The following SDK1 variants were observed in gnomAD, a reference collection of about 807,000 sequenced individuals.
The protein encoded by SDK1 is sidekick cell adhesion molecule 1.
A neutral mutation model predicts 245.5 loss-of-function variants in SDK1; 157 were observed. That is an observed-to-expected ratio of 0.64 (90% confidence interval 0.56 to 0.73). The LOEUF (loss-of-function observed/expected upper bound fraction) is 0.73. SDK1 is among the 30% of genes least tolerant of loss of function. The pLI, the probability that SDK1 is intolerant of heterozygous loss-of-function variation, is 0.00. For missense variants in SDK1, 3,583 were observed against 3,002.3 expected, an observed-to-expected ratio of 1.19 and a Z score of -4.52; for synonymous variants, 1,647 against 1,278.5, an observed-to-expected ratio of 1.29 and a Z score of -6.15.
At chr7:3,486,035 T>C (rs1461531419) in intron 1 of SDK1, among the ~76,000 whole-genome samples, 22 of 152,060 alleles carry the variant, frequency 1.4e-4, no homozygotes, top group Admixed American at 1.4e-3. Context: ...TATCTATTTT[T>C]TGAAGATCTG....
chr7:3,952,368 C>T (rs1417661976), intron 7 of SDK1, among the ~76,000 whole-genome samples: 1 of 152,160 alleles, frequency 6.6e-6, no homozygotes, highest in Non-Finnish European at 1.5e-5. Context: ...CACTTGAGGC[C>T]AGGAGTTCGA....
chr7:3,471,063 C>A (rs2128598441), intron 1 of SDK1, among the ~76,000 whole-genome samples: 1 of 152,254 alleles, frequency 6.6e-6, no homozygotes, highest in East Asian at 1.9e-4. Context: ...ATTATTTTAT[C>A]TGTTTGAGGA....
At chr7:3,317,204 AAAAAG>A in intron 1 of SDK1, among the ~76,000 whole-genome samples, 1 of 151,364 alleles carries the variant, frequency 6.6e-6, no homozygotes, top group African/African-American at 2.4e-5. Context: ...AAAAAAAAAA[AAAAAG>A]GCTATCATGG....
chr7:4,004,365 TAATA>T lies in SDK1; in HGVS notation c.2132-6597_2132-6594del, dbSNP rs897387450. On this transcript the variant is annotated intron_variant, in intron 14 of 44. Coordinates refer to ENST00000404826, the MANE Select transcript of SDK1 (RefSeq NM_152744.4). ...AGTAGTAGAATTCAAATTAGAAAAA[TAATA>T]AATTTGCACCTAATTTTTCCACTTA... Among the ~76,000 whole-genome samples, 10 of 152,262 alleles carry T rather than the reference TAATA, an allele frequency of 6.6e-5. No individual in the cohort carries two copies. The Middle Eastern group carries it at 0.01, about 155-fold the overall frequency.
intron 1 of SDK1, among the ~76,000 whole-genome samples, chr7:3,453,138 C>A (rs756130739): frequency 6.6e-6 from 1 of 152,096 alleles, no homozygotes; most frequent in Admixed American, 6.5e-5. Context: ...TAACCCCCCC[C>A]GGTTTTCCAA....
At chr7:3,597,282 A>G (rs950200950) in intron 1 of SDK1, among the ~76,000 whole-genome samples, 9 of 151,788 alleles carry the variant, frequency 5.9e-5, no homozygotes, top group Non-Finnish European at 7.4e-5. Context: ...AAAAAAAAAA[A>G]AAAAAAAAAA....
At chr7:3,439,281 A>T (rs182367975) in intron 1 of SDK1, among the ~76,000 whole-genome samples, 9 of 152,296 alleles carry the variant, frequency 5.9e-5, no homozygotes, top group East Asian at 3.9e-4. Context: ...TGAACATTTC[A>T]TCTAAAACGT....
At chr7:3,795,227 T>A (rs977708207) in intron 4 of SDK1, among the ~76,000 whole-genome samples, 1 of 152,134 alleles carries the variant, frequency 6.6e-6, no homozygotes, top group Non-Finnish European at 1.5e-5. Flanking sequence ...TTTTACATGA[T>A]ACTTAGATGG....
intron 13 of SDK1, 147 bp downstream of exon 13, chr7:3,974,692 A>G (rs1449469818): frequency 1.9e-5 from 12 of 636,052 alleles, no homozygotes; most frequent in Middle Eastern, 2.9e-4. Context: ...GCATAACTAC[A>G]TATATGGACA....
rs143448170 is a variant in SDK1, at chr7:3,792,001, G to A, written c.714-29449G>A. Among the ~76,000 whole-genome samples the A allele has an allele frequency of 1.4e-4, 21 of 152,150 alleles. No individual in the cohort carries two copies. The East Asian group carries it at 3.7e-3, about 27-fold the overall frequency. On this transcript the variant is annotated intron_variant, in intron 4 of 44. Transcript: ENST00000404826. The stretch of plus-strand genomic sequence containing the variant: ...AAATTAGCCAGATGTAGTGGTTCAT[G>A]CCTGTAGTCCCAGCTACTCAAGAGG...
At chr7:3,364,243 A>G (rs1396717754) in intron 1 of SDK1, among the ~76,000 whole-genome samples, 2 of 152,172 alleles carry the variant, frequency 1.3e-5, no homozygotes, top group Non-Finnish European at 2.9e-5. Flanking sequence ...CTCTATTTCC[A>G]TTCTTTTAAC....
At chr7:4,236,603 T>C (rs1478568852) in intron 41 of SDK1, among the ~76,000 whole-genome samples, 1 of 151,870 alleles carries the variant, frequency 6.6e-6, no homozygotes, top group African/African-American at 2.4e-5. Context: ...AGACGGCAGG[T>C]CCTGGGGTGC....
At chr7:3,450,075 G>A (rs1470847595) in intron 1 of SDK1, among the ~76,000 whole-genome samples, 4 of 152,202 alleles carry the variant, frequency 2.6e-5, no homozygotes, top group African/African-American at 7.2e-5. Context: ...TGGAGGGAGA[G>A]GAGCTTTCAA....
rs971914659 is a variant in SDK1 at position 3,782,408 on chromosome 7, C to T, written c.714-39042C>T. Among the ~76,000 whole-genome samples the T allele has an allele frequency of 4.6e-5, 7 of 152,296 alleles. No individual in the cohort carries two copies. The South Asian group carries it at 6.2e-4, about 14-fold the overall frequency. ...GCCTCACCTCCAAGAACGTGGATCA[C>T]AGTTTACCGTGAGATTGAGAGGATA... On this transcript the variant is annotated intron_variant, in intron 4 of 44. Transcript: ENST00000404826.
rs541400925 is a variant in SDK1 at position 3,602,448 on chromosome 7, A to T, written c.299-16632A>T. On this transcript the variant is annotated intron_variant, in intron 1 of 44. Coordinates refer to ENST00000404826, the MANE Select transcript of SDK1 (RefSeq NM_152744.4). ...GGCCAGTGATGAGGAGCATTTTTTC[A>T]TGTCTTTTGGCTGCATAAATGTCTT... Among the ~76,000 whole-genome samples, 3 of 151,680 alleles carry T rather than the reference A, an allele frequency of 2.0e-5. No individual in the cohort carries two copies. In the East Asian group the frequency reaches 5.8e-4, roughly 29 times the overall value.
At chr7:3,652,141 G>T (rs1783030938) in intron 4 of SDK1, among the ~76,000 whole-genome samples, 1 of 152,230 alleles carries the variant, frequency 6.6e-6, no homozygotes, top group South Asian at 2.1e-4. Flanking sequence ...AGTGGAGACA[G>T]CAAGTTGAGA....
rs144964632 is a variant in SDK1 at position 3,482,938 on chromosome 7, C to T, written c.299-136142C>T. 3.8e-4 allele frequency among the ~76,000 whole-genome samples: 57 copies of T among 151,548 alleles called. 2 individuals are homozygous for T. Among genetic ancestry groups the T allele is most frequent in the African/African-American group, 1.4e-3 (57 of 40,818 alleles). On this transcript the variant is annotated intron_variant, in intron 1 of 44. Coordinates refer to ENST00000404826, the MANE Select transcript of SDK1 (RefSeq NM_152744.4). ...ACGTTAGCTATGATGATGCTGGTGA[C>T]AACAATGATGATTTCAAGTCTTTTT... is the stretch of plus-strand genomic sequence containing the variant.
intron 17 of SDK1, among the ~76,000 whole-genome samples, chr7:4,025,856 T>C (rs1024931479): frequency 7.9e-5 from 12 of 152,180 alleles, no homozygotes; most frequent in Admixed American, 4.6e-4. Flanking sequence ...CTGTCACATG[T>C]GAGTTAGGCC....
At chr7:3,779,435 G>A (rs1422850444) in intron 4 of SDK1, among the ~76,000 whole-genome samples, 2 of 151,526 alleles carry the variant, frequency 1.3e-5, no homozygotes, top group African/African-American at 4.9e-5. Flanking sequence ...AAGTGGTGTG[G>A]CAAAGCCAGT....
Sources: allele counts gnomAD v4.1 joint callset (sites outside exome capture counted in the v4.1 genomes callset), GRCh38; gene constraint gnomAD v4.1.1; transcripts MANE v1.5; gene names NCBI Gene and HGNC (gene_info 2026-07-23, HGNC 2026-07-21).